EDEM3: variants seen among roughly 807,000 people sequenced by gnomAD.
EDEM3 encodes ER degradation enhancing alpha-mannosidase like protein 3, also known as ER degradation-enhancing alpha-mannosidase-like protein 3.
A neutral mutation model predicts 110.2 loss-of-function variants in EDEM3; 60 were observed. The observed-to-expected ratio is 0.54, with a 90% CI of 0.44 to 0.67. The LOEUF (loss-of-function observed/expected upper bound fraction) is 0.67, where lower values mean the gene tolerates loss of function less well. Among genes scored for constraint, EDEM3 ranks in the 30% least tolerant of loss-of-function variants. The pLI is 0.00. For missense variants in EDEM3, 996 were observed against 1,121.0 expected (o/e 0.89, Z 1.59); for synonymous variants, 352 against 382.9 (o/e 0.92, Z 0.94).
intron 17 of EDEM3, among the ~76,000 whole-genome samples, chr1:184,707,737 G>A (rs1477556543): frequency 6.6e-6 from 1 of 152,186 alleles, no homozygotes; most frequent in East Asian, 1.9e-4. Context: ...AGTTTGCCCA[G>A]TGGAACCTCA....
At chr1:184,731,873 T>C (rs566024605) in intron 6 of EDEM3, among the ~76,000 whole-genome samples, 2 of 152,274 alleles carry the variant, frequency 1.3e-5, no homozygotes, top group East Asian at 3.9e-4. Flanking sequence ...GAGGGCACTA[T>C]GTTAAATGAA....
intron 8 of EDEM3, among the ~76,000 whole-genome samples, chr1:184,722,982 G>A (rs960114529): frequency 3.3e-5 from 5 of 151,630 alleles, no homozygotes; most frequent in East Asian, 1.9e-4. Context: ...ATATTCCAAC[G>A]CTGATGTAAA....
rs532340082 is a variant in EDEM3 at position 184,711,747 on chromosome 1, C to T, written c.1667G>A (p.Ser556Asn). 4.0e-5 allele frequency: 64 copies of T among 1,612,456 alleles called. No homozygotes were observed. In the South Asian group the frequency reaches 6.6e-4, roughly 17 times the overall value. The change falls in exon 15 of 20, where the codon AGC (serine) becomes AAC (asparagine). Residue 556 changes from serine to asparagine, a missense_variant. Around this residue, in one of 5 missense-constraint regions of EDEM3, gnomAD observed 138 missense variants for 124.3 expected, o/e 1.11. Coordinates refer to ENST00000318130, the MANE Select transcript of EDEM3 (RefSeq NM_025191.4). ...REPLKNVVDKSCPRGIIRVEE... is the reference protein window; with the variant it reads ...REPLKNVVDKNCPRGIIRVEE... Reference sequence around the variant, plus strand: ...CACTCTGATGATGCCTCTAGGACAGCTCTTATCCACCACATTTTTCAAGGG... The same window carrying T: ...CACTCTGATGATGCCTCTAGGACAGTTCTTATCCACCACATTTTTCAAGGG...
At chr1:184,751,796 C>G (rs910838501) in intron 1 of EDEM3, among the ~76,000 whole-genome samples, 17 of 152,132 alleles carry the variant, frequency 1.1e-4, no homozygotes, top group Non-Finnish European at 2.1e-4. Flanking sequence ...TCTTGTTGCC[C>G]GGGCTGGAGT....
intron 6 of EDEM3, among the ~76,000 whole-genome samples, chr1:184,731,550 T>G (rs1353073173): frequency 6.6e-6 from 1 of 152,228 alleles, no homozygotes; most frequent in Non-Finnish European, 1.5e-5. Context: ...ACGGTTCTCC[T>G]CTTAAATCTC....
intron 19 of EDEM3, among the ~76,000 whole-genome samples, chr1:184,695,513 A>T (rs1424499931): frequency 6.6e-6 from 1 of 152,028 alleles, no homozygotes; most frequent in Admixed American, 6.6e-5. Flanking sequence ...ACTTTAAATC[A>T]TCTCTTGATT....
At chr1:184,722,456 A>G (rs554636534) in intron 8 of EDEM3, among the ~76,000 whole-genome samples, 3 of 152,000 alleles carry the variant, frequency 2.0e-5, no homozygotes, top group Admixed American at 6.5e-5. Context: ...AATACTAGAA[A>G]ACAGTGAATG....
chr1:184,704,873 C>T (rs1036686415), intron 18 of EDEM3, among the ~76,000 whole-genome samples: 1 of 151,454 alleles, frequency 6.6e-6, no homozygotes, highest in Non-Finnish European at 1.5e-5. Flanking sequence ...GCCTGGCCAA[C>T]ATGGAGAAAC....
chr1:184,697,825 A>G (rs1649406088), intron 19 of EDEM3, among the ~76,000 whole-genome samples: 1 of 151,758 alleles, frequency 6.6e-6, no homozygotes, highest in Non-Finnish European at 1.5e-5. Flanking sequence ...AATATTTCTG[A>G]TTACCTAAAA....
rs771204308 is a variant in EDEM3, at chr1:184,723,732, A to G, written c.853+19T>C. On this transcript the variant is annotated intron_variant, in intron 8 of 19. Transcript: ENST00000318130. ...TTTGAGGATGCAAAGGCTTGATTTA[A>G]AAAGCCTAACTTACATACCTTTTCG... is the stretch of plus-strand genomic sequence containing the variant. The G allele has an allele frequency of 6.4e-7, 1 of 1,553,884 alleles. No homozygotes were observed. The highest frequency in any genetic ancestry group is 8.8e-7 in the Non-Finnish European group (1 of 1,140,876).
intron 13 of EDEM3, among the ~76,000 whole-genome samples, chr1:184,715,313 AG>A (rs1650486261): frequency 6.6e-6 from 1 of 152,216 alleles, no homozygotes; most frequent in African/African-American, 2.4e-5. Context: ...TTTGAAAAAT[AG>A]AATTCTGAAC....
chr1:184,706,772 C>A lies in EDEM3; in HGVS notation c.2074G>T (p.Gly692Cys). Residue 692 changes from glycine to cysteine, a missense_variant, in exon 18 of 20, where the codon GGT becomes TGT. Coordinates refer to ENST00000318130, the MANE Select transcript of EDEM3 (RefSeq NM_025191.4). ...TCTGGGTTAGTAAGCTCTGAACAAC[C>A]ATTGGATGGTTTACTGCTTGCAACA... Reference protein sequence around the residue: ...GFVASSKPSNGCSELTNPEAV... With the variant: ...GFVASSKPSNCCSELTNPEAV... 2 of 1,613,808 alleles carry A rather than the reference C, an allele frequency of 1.2e-6. No homozygotes were observed. Among genetic ancestry groups the A allele is most frequent in the Non-Finnish European group, 1.7e-6 (2 of 1,179,820 alleles).
At chr1:184,708,471 A>G (rs1650054612) in intron 16 of EDEM3, 127 bp from the exon 17 acceptor site, 1 of 867,836 alleles carries the variant, frequency 1.2e-6, no homozygotes, top group Admixed American at 3.2e-5. Context: ...GGTCACCACC[A>G]AGTATTTATG....
chr1:184,698,996 AC>A (rs1649471667), intron 19 of EDEM3, among the ~76,000 whole-genome samples: 1 of 151,946 alleles, frequency 6.6e-6, no homozygotes, highest in Non-Finnish European at 1.5e-5. Context: ...GCCTGTTTTC[AC>A]CAGTATGTGA....
chr1:184,746,107 C>T (rs957089373), intron 2 of EDEM3, among the ~76,000 whole-genome samples: 3 of 152,198 alleles, frequency 2.0e-5, no homozygotes, highest in Admixed American at 6.5e-5. Flanking sequence ...GGGTAAACTG[C>T]AGACTGACTG....
At position 184,738,987 on chromosome 1, in the gene EDEM3, C is replaced by T. The variant is rs529283167; in HGVS notation, c.205-1276G>A. ...TACTTTTTTTATATTTAGATATTTACTCCATCTGGAATCTATTTTCATTTA... is the reference window on the plus strand; with the variant it reads ...TACTTTTTTTATATTTAGATATTTATTCCATCTGGAATCTATTTTCATTTA... On this transcript the variant is annotated intron_variant, in intron 2 of 19. Transcript: ENST00000318130. Among the ~76,000 whole-genome samples the T allele has an allele frequency of 6.0e-5, 9 of 150,586 alleles. No homozygotes were observed. The South Asian group carries it at 1.9e-3, about 31-fold the overall frequency.
chr1:184,695,092 C>T (rs1013672303), intron 19 of EDEM3, among the ~76,000 whole-genome samples: 1 of 151,928 alleles, frequency 6.6e-6, no homozygotes, highest in African/African-American at 2.4e-5. Context: ...ATTTTAAAAT[C>T]CACTGGAAGG....
intron 6 of EDEM3, among the ~76,000 whole-genome samples, chr1:184,732,343 G>A (rs111365079): frequency 5.3e-4 from 81 of 152,186 alleles, no homozygotes; most frequent in African/African-American, 1.8e-3. Flanking sequence ...GGAATAGGGA[G>A]GGGATGGTTA....
At chr1:184,708,118 TTCA>T in intron 17 of EDEM3, 32 bp downstream of exon 17, 1 of 1,523,190 alleles carries the variant, frequency 6.6e-7, no homozygotes, top group Non-Finnish European at 8.8e-7. Context: ...ATATTTTAAA[TTCA>T]GTTTCAACAA....
Sources: gnomAD v4.1 joint callset for allele counts (sites outside exome capture counted in the v4.1 genomes callset) on GRCh38, gnomAD v4.1.1 for gene constraint, gnomAD v4.1.1 regional missense constraint, MANE v1.5 for transcripts, NCBI Gene and HGNC (gene_info 2026-07-23, HGNC 2026-07-21) for gene names.